The following ROR1 variants were observed in gnomAD, a reference collection of about 807,000 sequenced individuals.
The protein encoded by ROR1 is inactive tyrosine-protein kinase transmembrane receptor ROR1.
A neutral mutation model predicts 78.8 loss-of-function variants in ROR1; 19 were observed. That is an observed-to-expected ratio of 0.24 (90% confidence interval 0.17 to 0.35). ROR1 has a LOEUF of 0.35. ROR1 is among the 10% of genes least tolerant of loss of function. The probability of loss-of-function intolerance (pLI) is 1.00; values close to 1 mark genes in which losing one functional copy is unlikely to be tolerated. For missense variants in ROR1, 917 were observed against 1,177.8 expected (o/e 0.78, Z 3.24); for synonymous variants, 386 against 433.6 (o/e 0.89, Z 1.36).
intron 1 of ROR1, among the ~76,000 whole-genome samples, chr1:63,983,865 A>G (rs1034510032): frequency 1.3e-5 from 2 of 152,204 alleles, no homozygotes. Flanking sequence ...TTCCTTATCT[A>G]CTAAATAATG....
Position 63,841,539 on chromosome 1 carries a change from A to G in ROR1, c.91+67031A>G, listed in dbSNP as rs188691435. Among the ~76,000 whole-genome samples, 176 of 152,354 alleles carry G rather than the reference A, an allele frequency of 1.2e-3. 3 individuals are homozygous for G. The highest frequency in any genetic ancestry group is 4.0e-3 in the African/African-American group (167 of 41,576). ...TCTGTTCTGCTTCCATGTTACATGTAAGAGTTTGTAATTATTTGTGTATGA... is the reference window on the plus strand; with the variant it reads ...TCTGTTCTGCTTCCATGTTACATGTGAGAGTTTGTAATTATTTGTGTATGA... On this transcript the variant is annotated intron_variant, in intron 1 of 8. Transcript: ENST00000371079.
chr1:63,783,536 G>A (rs1328505194), intron 1 of ROR1, among the ~76,000 whole-genome samples: 1 of 152,192 alleles, frequency 6.6e-6, no homozygotes, highest in Non-Finnish European at 1.5e-5. Flanking sequence ...GTAAGCCAGA[G>A]TTCTAGGAGC....
chr1:64,088,502 G>A (rs553352553), intron 4 of ROR1, among the ~76,000 whole-genome samples: 106 of 149,210 alleles, frequency 7.1e-4, no homozygotes, highest in Admixed American at 2.5e-3. Context: ...AATGCCCATG[G>A]CCATGAAAGA....
chr1:63,858,809 T>C (rs1383588538), intron 1 of ROR1, among the ~76,000 whole-genome samples: 1 of 152,214 alleles, frequency 6.6e-6, no homozygotes, highest in African/African-American at 2.4e-5. Context: ...GTCTATTAGA[T>C]GGTAATCTCT....
intron 1 of ROR1, among the ~76,000 whole-genome samples, chr1:63,826,714 T>C (rs1301179507): frequency 6.6e-6 from 1 of 151,962 alleles, no homozygotes. Context: ...CCACCAATGG[T>C]ACATTGTGGA....
At position 64,178,246 on chromosome 1, in the gene ROR1, G is replaced by C. The variant is rs1454313375; in HGVS notation, c.2205G>C (p.Arg735Ser). 2 of 1,613,934 alleles carry C rather than the reference G, an allele frequency of 1.2e-6. No individual in the cohort carries two copies. The highest frequency in any genetic ancestry group is 2.2e-5 in the South Asian group (2 of 91,066). The change falls in exon 9 of 9, where the codon AGG (arginine) becomes AGC (serine). Residue 735 changes from arginine (R) to serine (S), a missense_variant. Physicochemically the swap from Arg to Ser is moderately radical, Grantham distance 110. This residue lies in a region of ROR1 where 835 missense variants were observed against 1,069.8 expected (regional missense o/e 0.78). Transcript: ENST00000371079. The surrounding 1 kb of genome is among the most constrained non-coding windows in gnomAD (Gnocchi z 4.3). ...AGTGCTGGAATGAGATTCCTTCTAG[G>C]AGACCAAGATTTAAAGATATTCACG... ...MTECWNEIPS[R>S]RPRFKDIHVR...
intron 1 of ROR1, among the ~76,000 whole-genome samples, chr1:63,939,476 G>A (rs780769733): frequency 2.0e-5 from 3 of 152,126 alleles, no homozygotes; most frequent in Non-Finnish European, 2.9e-5. Context: ...AAATACTTTT[G>A]GAGAACACAT....
At chr1:63,843,448 G>A in intron 1 of ROR1, 1 of 742,614 alleles carries the variant, frequency 1.3e-6, no homozygotes, top group South Asian at 1.4e-5. Context: ...AGGGTGTAGT[G>A]GCAGTCCTTA....
chr1:63,854,297 C>T (rs752850611), intron 1 of ROR1, among the ~76,000 whole-genome samples: 54 of 152,162 alleles, frequency 3.5e-4, no homozygotes, highest in Non-Finnish European at 8.8e-5. Context: ...GCACCACTTA[C>T]GTGTGGCTGA....
chr1:64,026,093 T>C (rs1328372621), intron 2 of ROR1, among the ~76,000 whole-genome samples: 1 of 151,970 alleles, frequency 6.6e-6, no homozygotes, highest in Admixed American at 6.6e-5. Context: ...ATTCTTCTTT[T>C]TGAGAAACTC....
chr1:64,142,953 G>C, intron 7 of ROR1: 1 of 1,174,520 alleles, frequency 8.5e-7, no homozygotes, highest in Non-Finnish European at 1.1e-6. Flanking sequence ...TATAGAAAAA[G>C]ATGTTACCCA....
At chr1:64,139,400 G>C (rs1049665118) in intron 5 of ROR1, among the ~76,000 whole-genome samples, 7 of 152,106 alleles carry the variant, frequency 4.6e-5, no homozygotes, top group Non-Finnish European at 1.0e-4. Flanking sequence ...GGGAAATAAT[G>C]TATCAGCAAC....
chr1:63,884,134 T>C (rs1186416981), intron 1 of ROR1, among the ~76,000 whole-genome samples: 1 of 152,128 alleles, frequency 6.6e-6, no homozygotes, highest in African/African-American at 2.4e-5. Flanking sequence ...GTCTCATTCT[T>C]TTCACACCAA....
intron 1 of ROR1, among the ~76,000 whole-genome samples, chr1:63,875,180 G>A (rs959148320): frequency 6.6e-6 from 1 of 152,132 alleles, no homozygotes; most frequent in African/African-American, 2.4e-5. Context: ...AAAGTCAGGG[G>A]TAATCATAGT....
At chr1:63,890,611 C>G (rs1223242203) in intron 1 of ROR1, among the ~76,000 whole-genome samples, 1 of 151,786 alleles carries the variant, frequency 6.6e-6, no homozygotes, top group Non-Finnish European at 1.5e-5. Flanking sequence ...AAAGATTTAT[C>G]TTGGGTGATG....
intron 1 of ROR1, among the ~76,000 whole-genome samples, chr1:63,798,589 C>T (rs764775390): frequency 1.5e-4 from 23 of 152,180 alleles, no homozygotes; most frequent in Non-Finnish European, 2.4e-4. Flanking sequence ...TAAGTATAGA[C>T]AAGACACTAA....
chr1:63,890,214 C>T lies in ROR1; in HGVS notation c.91+115706C>T, dbSNP rs551958591. 1.1e-4 allele frequency among the ~76,000 whole-genome samples: 16 copies of T among 152,064 alleles called. 1 individual carries two copies. In the South Asian group the frequency reaches 3.3e-3, roughly 32 times the overall value. ...TACCAAGCAAATAATCAAAGTTACA[C>T]ATACTTCTGAAGCTCCTTTTCTTTG... On this transcript the variant is annotated intron_variant, in intron 1 of 8. Transcript: ENST00000371079.
intron 1 of ROR1, among the ~76,000 whole-genome samples, chr1:63,923,127 C>A (rs114655657): frequency 7.2e-5 from 11 of 152,266 alleles, no homozygotes; most frequent in African/African-American, 2.2e-4. Flanking sequence ...AAACAGATTG[C>A]GTGTGACACC....
chr1:64,097,929 C>T (rs1340416586), intron 4 of ROR1, among the ~76,000 whole-genome samples: 1 of 152,090 alleles, frequency 6.6e-6, no homozygotes, highest in Non-Finnish European at 1.5e-5. Context: ...ATAGTAAGTG[C>T]TAGTCCATGG....
Sources: gnomAD v4.1 joint callset for allele counts (sites outside exome capture counted in the v4.1 genomes callset) on GRCh38, gnomAD v4.1.1 for gene constraint, gnomAD v4.1.1 regional missense constraint, Gnocchi (gnomAD v3.1) non-coding constraint, MANE v1.5 for transcripts, NCBI Gene and HGNC (gene_info 2026-07-23, HGNC 2026-07-21) for gene names.